SGMS1: variants seen among roughly 807,000 people sequenced by gnomAD.
The protein encoded by SGMS1 is phosphatidylcholine:ceramide cholinephosphotransferase 1.
SGMS1 carries 13 observed loss-of-function variants against 46.2 expected under a neutral mutation model. The observed-to-expected ratio is 0.28, with a 90% confidence interval of 0.18 to 0.45. The LOEUF is 0.45. SGMS1 is among the 20% of genes least tolerant of loss of function. The pLI is 1.00. For synonymous variants in SGMS1, 203 were observed against 187.8 expected (o/e 1.08, Z -0.66); for missense variants, 324 against 519.9 (o/e 0.62, Z 3.66).
chr10:50,437,170 A>G (rs1355198755), intron 5 of SGMS1, among the ~76,000 whole-genome samples: 1 of 152,236 alleles, frequency 6.6e-6, no homozygotes, highest in Non-Finnish European at 1.5e-5. Context: ...GGGCAATACA[A>G]GTACTAGGGT....
intron 7 of SGMS1, chr10:50,341,400 A>G (rs985110670): frequency 2.2e-6 from 1 of 456,040 alleles, no homozygotes; most frequent in East Asian, 6.9e-5. Flanking sequence ...ATGCTTAGGA[A>G]GATCATGACG....
At chr10:50,467,237 T>C (rs749490399) in intron 3 of SGMS1, among the ~76,000 whole-genome samples, 3 of 152,090 alleles carry the variant, frequency 2.0e-5, no homozygotes, top group Non-Finnish European at 4.4e-5. Context: ...AATTATCTCC[T>C]CTCAATTTAG....
chr10:50,319,297 C>T (rs1185882436), intron 8 of SGMS1, among the ~76,000 whole-genome samples: 2 of 151,922 alleles, frequency 1.3e-5, no homozygotes, highest in Non-Finnish European at 2.9e-5. Context: ...TTTTCTTCTC[C>T]TTTCTCTCAC....
chr10:50,387,808 G>A (rs1848703155), intron 6 of SGMS1, among the ~76,000 whole-genome samples: 1 of 152,184 alleles, frequency 6.6e-6, no homozygotes, highest in African/African-American at 2.4e-5. Context: ...GCCACATGGT[G>A]GAAGATTTAT....
At chr10:50,397,002 G>A (rs918617811) in intron 6 of SGMS1, among the ~76,000 whole-genome samples, 1 of 152,046 alleles carries the variant, frequency 6.6e-6, no homozygotes. Flanking sequence ...GTGAATATCC[G>A]TTGGTTGATT....
In SGMS1 at chr10:50,623,783, G is replaced by A. The variant is rs1350141260; in HGVS notation, c.-760C>T. ...GCGGAATGAAATCCGGGGCAGGGCA[G>A]CGTCGGGGCTCCGCACCCCAATCGC... is the stretch of plus-strand genomic sequence containing the variant. On this transcript the variant is annotated 5_prime_UTR_variant, in exon 1 of 11. Transcript: ENST00000361781. 2 of 985,432 alleles carry A rather than the reference G, an allele frequency of 2.0e-6. No homozygotes were observed. The highest frequency in any genetic ancestry group is 2.4e-6 in the Non-Finnish European group (2 of 830,048). The allele number at this position is 985,432 out of a possible 1,614,324, so 61.0% of individuals were successfully genotyped here. A position where few individuals can be genotyped will look rare whatever the true frequency, so the allele number is the denominator to read the frequency against.
chr10:50,386,595 G>A (rs1048007546), intron 6 of SGMS1, among the ~76,000 whole-genome samples: 1 of 151,836 alleles, frequency 6.6e-6, no homozygotes, highest in Non-Finnish European at 1.5e-5. Flanking sequence ...TGTGACAGAT[G>A]GAGCTTCATG....
chr10:50,366,233 GAAA>G (rs113266321), intron 6 of SGMS1, among the ~76,000 whole-genome samples: 1 of 151,306 alleles, frequency 6.6e-6, no homozygotes, highest in Non-Finnish European at 1.5e-5. Flanking sequence ...AAATTTATAA[GAAA>G]AAAAAATCCC....
chr10:50,307,099 T>A lies in SGMS1; in HGVS notation c.*43A>T, dbSNP rs1399543322. 1.3e-6 allele frequency: 2 copies of A among 1,589,722 alleles called. No individual in the cohort carries two copies. Among genetic ancestry groups the A allele is most frequent in the East Asian group, 4.5e-5 (2 of 44,582 alleles). ...ATGGCATCTTCTCTCATGGAGTTCTTAGCACTTCGGACAATTTGTCTTTTC... is the reference window on the plus strand; with the variant it reads ...ATGGCATCTTCTCTCATGGAGTTCTAAGCACTTCGGACAATTTGTCTTTTC... On this transcript the variant is annotated 3_prime_UTR_variant, in exon 11 of 11. Coordinates refer to ENST00000361781, the MANE Select transcript of SGMS1 (RefSeq NM_147156.4). The surrounding 1 kb of genome is among the most constrained non-coding windows in gnomAD (Gnocchi z 4.2).
intron 6 of SGMS1, among the ~76,000 whole-genome samples, chr10:50,378,358 T>C (rs1422610416): frequency 6.6e-6 from 1 of 152,164 alleles, no homozygotes; most frequent in Admixed American, 6.5e-5. Context: ...TACAATTCAC[T>C]CATGTTTTGT....
intron 6 of SGMS1, among the ~76,000 whole-genome samples, chr10:50,383,745 T>C (rs772014664): frequency 2.6e-5 from 4 of 152,210 alleles, no homozygotes; most frequent in Non-Finnish European, 4.4e-5. Flanking sequence ...TATCCTATAT[T>C]ATTAAGATAT....
At chr10:50,496,459 C>T (rs1160654960) in intron 3 of SGMS1, among the ~76,000 whole-genome samples, 1 of 152,194 alleles carries the variant, frequency 6.6e-6, no homozygotes, top group East Asian at 1.9e-4. Flanking sequence ...CACCACTCCA[C>T]ACTATGCCCA....
At chr10:50,353,351 C>G (rs1383563836) in intron 6 of SGMS1, among the ~76,000 whole-genome samples, 1 of 152,302 alleles carries the variant, frequency 6.6e-6, no homozygotes, top group East Asian at 1.9e-4. Flanking sequence ...ATGATTATCT[C>G]AACAGATGCA....
intron 6 of SGMS1, among the ~76,000 whole-genome samples, chr10:50,374,385 C>G (rs372113298): frequency 4.1e-4 from 63 of 152,142 alleles, no homozygotes; most frequent in African/African-American, 1.5e-3. Context: ...GCAAAGACTC[C>G]CAGCTGGTGA....
chr10:50,312,120 G>A (rs1847264244), intron 8 of SGMS1, among the ~76,000 whole-genome samples: 1 of 151,974 alleles, frequency 6.6e-6, no homozygotes, highest in Non-Finnish European at 1.5e-5. Context: ...TATATTTTAT[G>A]CTTGTTAGTA....
chr10:50,497,229 T>G (rs1392255209), intron 3 of SGMS1, among the ~76,000 whole-genome samples: 1 of 152,228 alleles, frequency 6.6e-6, no homozygotes, highest in Non-Finnish European at 1.5e-5. Flanking sequence ...TGATGACATT[T>G]TCAAACTTAC....
At chr10:50,532,225 C>CTGTGTGTG (rs71029313) in intron 2 of SGMS1, among the ~76,000 whole-genome samples, 1,764 of 130,570 alleles carry the variant, frequency 0.014, 32 homozygotes, top group African/African-American at 0.021. Flanking sequence ...CTGAATGAGA[C>CTGTGTGTG]TGTGTGTGTG....
At chr10:50,399,483 G>C (rs1260824030) in intron 6 of SGMS1, among the ~76,000 whole-genome samples, 7 of 152,126 alleles carry the variant, frequency 4.6e-5, no homozygotes, top group Non-Finnish European at 1.0e-4. Context: ...GTCCATATAA[G>C]CAGTCAGTTT....
chr10:50,621,230 C>T (rs191763347), intron 1 of SGMS1, among the ~76,000 whole-genome samples: 61 of 152,092 alleles, frequency 4.0e-4, no homozygotes, highest in African/African-American at 1.4e-3. Context: ...GTCAGGAGTC[C>T]GTTTGGTTTT....
Sources: allele counts gnomAD v4.1 joint callset (sites outside exome capture counted in the v4.1 genomes callset), GRCh38; gene constraint gnomAD v4.1.1; non-coding constraint Gnocchi (gnomAD v3.1); transcripts MANE v1.5; gene names NCBI Gene and HGNC (gene_info 2026-07-23, HGNC 2026-07-21).